The following CHODL variants were observed in gnomAD, a reference collection of about 807,000 sequenced individuals.
The protein encoded by CHODL is transmembrane protein MT75.
Under a neutral mutation model 34.5 loss-of-function variants are expected in CHODL, and 29 were observed. The observed-to-expected ratio is 0.84, with a 90% CI of 0.63 to 1.15. CHODL has a LOEUF of 1.15. Ranked by LOEUF, CHODL falls within the 50% of genes most tolerant of loss-of-function variation. The pLI is 0.00. For missense variants in CHODL, 332 were observed against 332.5 expected, an observed-to-expected ratio of 1.00 and a Z score of 0.01; for synonymous variants, 125 against 116.1, an observed-to-expected ratio of 1.08 and a Z score of -0.49.
intron 1 of CHODL, among the ~76,000 whole-genome samples, chr21:18,010,938 T>C (rs1412326112): frequency 6.6e-6 from 1 of 152,198 alleles, no homozygotes; most frequent in Admixed American, 6.5e-5. Flanking sequence ...AGAAAAGTAT[T>C]AACAAGGACC....
At chr21:17,938,015 G>A (rs2063331449) in intron 1 of CHODL, among the ~76,000 whole-genome samples, 1 of 152,068 alleles carries the variant, frequency 6.6e-6, no homozygotes. Flanking sequence ...ATTTGGTATT[G>A]GGCAAGTTCC....
Position 18,266,495 on chromosome 21 carries a change from A to G in CHODL, c.*457A>G, listed in dbSNP as rs1199387519. 5.9e-6 allele frequency: 1 copy of G among 168,672 alleles called. No individual in the cohort carries two copies. Among genetic ancestry groups the G allele is most frequent in the Non-Finnish European group, 1.3e-5 (1 of 78,922 alleles). 10.4% of individuals were successfully genotyped at this position (168,672 alleles called of 1,614,324 possible). A position where few individuals can be genotyped will look rare whatever the true frequency, so the allele number is the denominator to read the frequency against. On this transcript the variant is annotated 3_prime_UTR_variant, in exon 6 of 6. Coordinates refer to ENST00000299295, the MANE Select transcript of CHODL (RefSeq NM_024944.3). Reference sequence around the variant, plus strand: ...CTGTTCTAATATTTATTTTTATGGCATCTCATTTTTCAATACATGCTCTTT... The same window carrying G: ...CTGTTCTAATATTTATTTTTATGGCGTCTCATTTTTCAATACATGCTCTTT...
chr21:17,982,099 T>C (rs1179887026), intron 1 of CHODL, among the ~76,000 whole-genome samples: 1 of 152,208 alleles, frequency 6.6e-6, no homozygotes, highest in East Asian at 1.9e-4. Context: ...CTACATCACA[T>C]CAGAGGGAGA....
At chr21:17,949,246 A>G (rs1281928277) in intron 1 of CHODL, among the ~76,000 whole-genome samples, 1 of 152,186 alleles carries the variant, frequency 6.6e-6, no homozygotes, top group Non-Finnish European at 1.5e-5. Flanking sequence ...AATGTTGGAT[A>G]ATACATCAGC....
At chr21:17,942,731 A>C (rs911964708) in intron 1 of CHODL, among the ~76,000 whole-genome samples, 2 of 152,198 alleles carry the variant, frequency 1.3e-5, no homozygotes, top group Non-Finnish European at 2.9e-5. Flanking sequence ...TTAGTCAATA[A>C]AACCCAAATA....
chr21:18,122,041 G>A (rs183111048), intron 2 of CHODL, among the ~76,000 whole-genome samples: 42 of 152,120 alleles, frequency 2.8e-4, no homozygotes, highest in African/African-American at 8.9e-4. Context: ...GTGAATTATA[G>A]CCCCTAAAGA....
chr21:18,151,043 A>G (rs1046932322), intron 2 of CHODL, among the ~76,000 whole-genome samples: 1 of 145,674 alleles, frequency 6.9e-6, no homozygotes, highest in Non-Finnish European at 1.5e-5. Flanking sequence ...AGATCGCACC[A>G]CTGCACTCCA....
intron 2 of CHODL, among the ~76,000 whole-genome samples, chr21:18,068,160 C>G (rs1399459438): frequency 6.6e-6 from 1 of 151,888 alleles, no homozygotes; most frequent in Non-Finnish European, 1.5e-5. Context: ...CAAACATAAA[C>G]TTCTATTCAA....
chr21:18,033,639 G>A (rs2064274396), intron 2 of CHODL, among the ~76,000 whole-genome samples: 1 of 152,004 alleles, frequency 6.6e-6, no homozygotes, highest in African/African-American at 2.4e-5. Context: ...AAATGTGGGA[G>A]TAACAGCCCA....
intron 2 of CHODL, among the ~76,000 whole-genome samples, chr21:18,128,485 A>T (rs960414091): frequency 6.6e-6 from 1 of 152,090 alleles, no homozygotes; most frequent in East Asian, 1.9e-4. Flanking sequence ...CATTCCATTA[A>T]GGAAACTTCA....
chr21:18,181,426 G>A (rs569563706), intron 2 of CHODL, among the ~76,000 whole-genome samples: 3 of 152,232 alleles, frequency 2.0e-5, no homozygotes, highest in Admixed American at 6.5e-5. Flanking sequence ...TGTTTGAGAC[G>A]GAGTCTCGCT....
chr21:17,982,940 GCC>G (rs1038639773), intron 1 of CHODL, among the ~76,000 whole-genome samples: 7 of 151,906 alleles, frequency 4.6e-5, no homozygotes, highest in African/African-American at 1.7e-4. Flanking sequence ...GGCCAGGCTG[GCC>G]TCGAACTCCT....
chr21:18,030,399 TGG>T (rs1368263193), intron 2 of CHODL, among the ~76,000 whole-genome samples: 4 of 152,196 alleles, frequency 2.6e-5, no homozygotes, highest in African/African-American at 7.2e-5. Context: ...GCCAGTAGGC[TGG>T]CTAGACCTGC....
rs141654961 is a variant in CHODL at position 17,994,684 on chromosome 21, G to A, written c.-144-33188G>A. Among the ~76,000 whole-genome samples the A allele has an allele frequency of 7.4e-3, 1,130 of 152,310 alleles. 7 individuals carry two copies. The highest frequency in any genetic ancestry group is 0.012 in the Non-Finnish European group (818 of 68,020). ...TTCTGGATGATGTGCGTCAGTGACA[G>A]CAGTGGCAGTGGCAGGTGGGACAGA... On this transcript the variant is annotated intron_variant, in intron 1 of 6. Coordinates refer to the CHODL transcript ENST00000400127.
chr21:18,213,047 C>T (rs1008873899), intron 2 of CHODL, among the ~76,000 whole-genome samples: 3 of 151,998 alleles, frequency 2.0e-5, no homozygotes, highest in South Asian at 2.1e-4. Context: ...TGTTTGTTTT[C>T]GAAGAAGTTA....
At chr21:17,952,164 G>C (rs1243210456) in intron 1 of CHODL, among the ~76,000 whole-genome samples, 1 of 125,392 alleles carries the variant, frequency 8.0e-6, no homozygotes, top group Non-Finnish European at 1.6e-5. Context: ...GCTTCAGTGA[G>C]CCATGATTGT....
At chr21:18,068,345 C>A (rs1037549227) in intron 2 of CHODL, among the ~76,000 whole-genome samples, 1 of 151,970 alleles carries the variant, frequency 6.6e-6, no homozygotes, top group African/African-American at 2.4e-5. Flanking sequence ...TACAGGCACC[C>A]GCCACTACGC....
At chr21:17,997,622 A>G (rs1003881717) in intron 1 of CHODL, among the ~76,000 whole-genome samples, 5 of 152,228 alleles carry the variant, frequency 3.3e-5, no homozygotes, top group Non-Finnish European at 7.3e-5. Context: ...TGGGGATGCC[A>G]TGCCTCAGAA....
intron 2 of CHODL, among the ~76,000 whole-genome samples, chr21:18,193,713 AAAT>A (rs1225379643): frequency 1.8e-5 from 2 of 108,646 alleles, no homozygotes; most frequent in Non-Finnish European, 3.4e-5. Flanking sequence ...AAAAAAAATA[AAAT>A]AAATAAATAA....
Sources: allele counts gnomAD v4.1 joint callset (sites outside exome capture counted in the v4.1 genomes callset), GRCh38; gene constraint gnomAD v4.1.1; transcripts MANE v1.5; gene names NCBI Gene and HGNC (gene_info 2026-07-23, HGNC 2026-07-21).